Variants in TSHZ2 observed in about 807,000 individuals in gnomAD.
TSHZ2 encodes teashirt homolog 2.
Under a neutral mutation model 74.4 loss-of-function variants are expected in TSHZ2, and 21 were observed. The ratio of observed to expected loss-of-function variants is 0.28; its 90% CI spans 0.20 to 0.41. The LOEUF is 0.41. Ranked by LOEUF, TSHZ2 falls within the 10% of genes least tolerant of loss-of-function variation. TSHZ2 has a pLI of 1.00. For synonymous variants in TSHZ2, 540 were observed against 515.3 expected, an observed-to-expected ratio of 1.05 and a Z score of -0.65; for missense variants, 1,244 against 1,293.5, an observed-to-expected ratio of 0.96 and a Z score of 0.59.
At chr20:53,003,374 G>A (rs925008959) in intron 1 of TSHZ2, among the ~76,000 whole-genome samples, 1 of 151,846 alleles carries the variant, frequency 6.6e-6, no homozygotes, top group African/African-American at 2.4e-5. Context: ...TTGGAAGCTC[G>A]AGGTATGAGC....
intron 2 of TSHZ2, among the ~76,000 whole-genome samples, chr20:53,300,891 G>A (rs1360384337): frequency 6.6e-6 from 1 of 152,142 alleles, no homozygotes; most frequent in Non-Finnish European, 1.5e-5. Flanking sequence ...TTGTTTATAT[G>A]GATCAAATAG....
At chr20:53,280,778 C>T (rs1255476671) in intron 2 of TSHZ2, among the ~76,000 whole-genome samples, 4 of 151,918 alleles carry the variant, frequency 2.6e-5, no homozygotes, top group Admixed American at 6.6e-5. Flanking sequence ...CTGCAACCTC[C>T]GCCTCCTGGG....
At chr20:53,250,835 GAAAAAA>G (rs561849899) in intron 1 of TSHZ2, among the ~76,000 whole-genome samples, 1 of 125,838 alleles carries the variant, frequency 7.9e-6, no homozygotes, top group Non-Finnish European at 1.7e-5. Flanking sequence ...ATGTCAGTGG[GAAAAAA>G]AAAAAAAAAA....
rs117517337 is a variant in TSHZ2, at chr20:53,433,730, T to C, written c.*9-53414T>C. On this transcript the variant is annotated intron_variant, in intron 2 of 2. Transcript: ENST00000371497. Reference sequence around the variant, plus strand: ...GCAAGAATGTTCTGTCAGTCCTTTTTACCTTTTCTCCCCAGTCTTTTCTCA... The same window carrying C: ...GCAAGAATGTTCTGTCAGTCCTTTTCACCTTTTCTCCCCAGTCTTTTCTCA... Among the ~76,000 whole-genome samples the C allele has an allele frequency of 3.7e-3, 570 of 152,300 alleles. 13 individuals are homozygous for C. Among genetic ancestry groups the C allele is most frequent in the East Asian group, 0.029 (150 of 5,188 alleles).
chr20:53,090,396 G>T (rs1466392124), intron 1 of TSHZ2, among the ~76,000 whole-genome samples: 1 of 152,172 alleles, frequency 6.6e-6, no homozygotes, highest in Non-Finnish European at 1.5e-5. Flanking sequence ...TCACAAATAC[G>T]AAGGAGACCA....
chr20:53,007,669 G>A (rs143059409), intron 1 of TSHZ2, among the ~76,000 whole-genome samples: 2 of 151,236 alleles, frequency 1.3e-5, no homozygotes, highest in Non-Finnish European at 2.9e-5. Flanking sequence ...ATACTCATGC[G>A]TGTATGTATG....
chr20:53,379,995 A>G (rs369175174), intron 2 of TSHZ2, among the ~76,000 whole-genome samples: 6 of 152,216 alleles, frequency 3.9e-5, no homozygotes, highest in Admixed American at 3.9e-4. Context: ...ATCCTGCCAA[A>G]AACTAGTTTT....
At chr20:53,339,414 C>A (rs1352186047) in intron 2 of TSHZ2, among the ~76,000 whole-genome samples, 1 of 152,102 alleles carries the variant, frequency 6.6e-6, no homozygotes, top group Non-Finnish European at 1.5e-5. Context: ...ACTGGCTGTT[C>A]CTGAGCCACT....
chr20:53,113,593 G>A (rs1986591960), intron 1 of TSHZ2, among the ~76,000 whole-genome samples: 1 of 152,144 alleles, frequency 6.6e-6, no homozygotes. Context: ...CTGTTTAGAA[G>A]TTCTAAAGAG....
rs1989538620 is a variant in TSHZ2 at position 53,220,888 on chromosome 20, T to A, written c.41-32611T>A. Among the ~76,000 whole-genome samples the A allele has an allele frequency of 2.0e-5, 3 of 152,244 alleles. No homozygotes were observed. In the South Asian group the frequency reaches 6.2e-4, roughly 31 times the overall value. ...TGTTCTGCATCTCAAGGTGACAGCA[T>A]CTGCTAAGCTCAGAGATTGCCATCT... On this transcript the variant is annotated intron_variant, in intron 1 of 2. Coordinates refer to ENST00000371497, the MANE Select transcript of TSHZ2 (RefSeq NM_173485.6).
intron 1 of TSHZ2, among the ~76,000 whole-genome samples, chr20:53,186,943 C>T (rs996473021): frequency 2.0e-5 from 3 of 151,716 alleles, no homozygotes; most frequent in Non-Finnish European, 4.4e-5. Flanking sequence ...CGAAAGAAAC[C>T]CCTAGGGCAT....
intron 1 of TSHZ2, among the ~76,000 whole-genome samples, chr20:53,126,328 C>T (rs953441696): frequency 1.3e-5 from 2 of 152,122 alleles, no homozygotes; most frequent in African/African-American, 2.4e-5. Context: ...TGCCTTGTCC[C>T]GTAATTTGAT....
intron 1 of TSHZ2, among the ~76,000 whole-genome samples, chr20:53,201,781 A>C (rs956966648): frequency 6.6e-6 from 1 of 152,078 alleles, no homozygotes; most frequent in Non-Finnish European, 1.5e-5. Context: ...TGCTCTATGC[A>C]TTGTTAAATG....
At position 53,472,842 on chromosome 20, in the gene TSHZ2, C is replaced by T. The variant is rs574466894; in HGVS notation, c.*9-14302C>T. On this transcript the variant is annotated intron_variant, in intron 2 of 2. Transcript: ENST00000371497. ...AAGCAGGGTGAGGCATTGCCTCACT[C>T]GGGAAGCGCAAGGGGTCAGGGAGTT... Among the ~76,000 whole-genome samples, 22 of 151,998 alleles carry T rather than the reference C, an allele frequency of 1.4e-4. 1 individual carries two copies. The highest frequency in any genetic ancestry group is 3.9e-4 in the East Asian group (2 of 5,122).
chr20:52,989,769 A>C (rs1981907140), intron 1 of TSHZ2, among the ~76,000 whole-genome samples: 2 of 152,046 alleles, frequency 1.3e-5, no homozygotes. Flanking sequence ...TTTTACATGC[A>C]TGTATATGTT....
chr20:53,308,933 C>T (rs754824435), intron 2 of TSHZ2, among the ~76,000 whole-genome samples: 28 of 152,094 alleles, frequency 1.8e-4, no homozygotes, highest in Non-Finnish European at 3.4e-4. Flanking sequence ...GGCCTTGCAT[C>T]GGGGCAGCAG....
chr20:53,472,943 T>G (rs1375204388), intron 2 of TSHZ2, among the ~76,000 whole-genome samples: 2 of 152,096 alleles, frequency 1.3e-5, no homozygotes, highest in Non-Finnish European at 2.9e-5. Context: ...ACTGCGCTTT[T>G]CCGACGGGCT....
chr20:53,331,924 G>T (rs953879055), intron 2 of TSHZ2, among the ~76,000 whole-genome samples: 2 of 152,156 alleles, frequency 1.3e-5, no homozygotes, highest in African/African-American at 2.4e-5. Context: ...AAGGGACAGT[G>T]ACTCTCGGTC....
intron 1 of TSHZ2, among the ~76,000 whole-genome samples, chr20:53,113,184 G>T (rs1175791989): frequency 6.6e-6 from 1 of 152,228 alleles, no homozygotes; most frequent in Non-Finnish European, 1.5e-5. Flanking sequence ...TGTTATATCT[G>T]TCTGTAGAGA....
Sources: allele counts gnomAD v4.1 joint callset (sites outside exome capture counted in the v4.1 genomes callset), GRCh38; gene constraint gnomAD v4.1.1; transcripts MANE v1.5; gene names NCBI Gene and HGNC (gene_info 2026-07-23, HGNC 2026-07-21).